The following CTRB1 variants were observed in gnomAD, a reference collection of about 807,000 sequenced individuals.
The protein encoded by CTRB1 is chymotrypsinogen B.
CTRB1 carries 15 observed loss-of-function variants against 20.4 expected under a neutral mutation model. That is an observed-to-expected ratio of 0.74 (90% CI 0.49 to 1.13). CTRB1 has a LOEUF of 1.13. CTRB1 is among the 50% of genes most tolerant of loss of function. The probability of loss-of-function intolerance (pLI) is 0.00; values close to 1 mark genes in which losing one functional copy is unlikely to be tolerated. For missense variants in CTRB1, 227 were observed against 290.1 expected (o/e 0.78, Z 1.58); for synonymous variants, 92 against 128.4 (o/e 0.72, Z 1.92).
intron 1 of CTRB1, among the ~76,000 whole-genome samples, chr16:75,219,966 C>G (rs537655493): frequency 2.6e-5 from 4 of 152,070 alleles, no homozygotes; most frequent in Non-Finnish European, 5.9e-5. Context: ...ATCAATGGAA[C>G]GGTATTCTAT....
At chr16:75,220,634 A>C (rs1310505095) in intron 1 of CTRB1, among the ~76,000 whole-genome samples, 1 of 152,160 alleles carries the variant, frequency 6.6e-6, no homozygotes, top group Admixed American at 6.5e-5. Flanking sequence ...TTCTACAACA[A>C]TGTGCTTTTT....
intron 1 of CTRB1, among the ~76,000 whole-genome samples, chr16:75,221,730 T>TGG (rs138173307): frequency 0.16 from 23,630 of 151,812 alleles, 2,211 homozygotes; most frequent in South Asian, 0.21. Context: ...CTCAGCATGT[T>TGG]GGGAGATCAA....
chr16:75,224,602 G>T (rs2076719530), intron 6 of CTRB1, 103 bp from the exon 7 acceptor site: 4 of 1,309,768 alleles, frequency 3.1e-6, no homozygotes, highest in Middle Eastern at 2.7e-4. Context: ...AGCCTTTGCT[G>T]TGTGTGGGGT....
intron 1 of CTRB1, among the ~76,000 whole-genome samples, chr16:75,219,980 GTTTTTGGT>G (rs892198317): frequency 5.9e-5 from 9 of 151,800 alleles, no homozygotes; most frequent in Non-Finnish European, 1.3e-4. Flanking sequence ...ATTCTATCCT[GTTTTTGGT>G]TTTGGTTTTG....
intron 1 of CTRB1, among the ~76,000 whole-genome samples, chr16:75,219,448 A>G (rs572676884): frequency 1.4e-4 from 21 of 151,386 alleles, no homozygotes; most frequent in Non-Finnish European, 3.1e-4. Flanking sequence ...CTGGAGTGCA[A>G]TGGTGCAATC....
At chr16:75,220,099 A>G (rs1475737694) in intron 1 of CTRB1, among the ~76,000 whole-genome samples, 3 of 151,754 alleles carry the variant, frequency 2.0e-5, no homozygotes, top group Non-Finnish European at 4.4e-5. Context: ...TCCTCCCACT[A>G]TAGCCTCCCG....
chr16:75,219,293 G>T (rs1464811818), intron 1 of CTRB1, among the ~76,000 whole-genome samples: 1 of 152,132 alleles, frequency 6.6e-6, no homozygotes. Context: ...TGGGGTGGGG[G>T]TGCCTTGTGC....
chr16:75,222,144 G>C (rs1417237857), intron 1 of CTRB1, among the ~76,000 whole-genome samples: 1 of 143,678 alleles, frequency 7.0e-6, no homozygotes, highest in African/African-American at 2.5e-5. Flanking sequence ...CAGGGTGACA[G>C]AGCAAGACCC....
rs940577068 is a variant in CTRB1 at position 75,224,047 on chromosome 16, T to C, written c.497-8T>C. The C allele has an allele frequency of 2.0e-6, 2 of 1,021,178 alleles. No individual in the cohort carries two copies. Among genetic ancestry groups the C allele is most frequent in the Non-Finnish European group, 1.4e-6 (1 of 712,552 alleles). The allele number at this position is 1,021,178 out of a possible 1,614,324, so 63.3% of individuals were successfully genotyped here. A position where few individuals can be genotyped will look rare whatever the true frequency, so the allele number is the denominator to read the frequency against. On this transcript the variant is annotated splice_polypyrimidine_tract_variant and splice_region_variant and intron_variant, in intron 5 of 6. Coordinates refer to ENST00000361017, the MANE Select transcript of CTRB1 (RefSeq NM_001906.6). ...CCCAGGGGCCCTGACCCTCCTCCTG[T>C]CCTGCAGCCAACAAGACCCCTGACA...
chr16:75,221,551 G>A (rs941213867), intron 1 of CTRB1, among the ~76,000 whole-genome samples: 6 of 151,904 alleles, frequency 3.9e-5, no homozygotes, highest in African/African-American at 1.4e-4. Flanking sequence ...GTAGAGATGG[G>A]GTTTTACTAT....
intron 1 of CTRB1, among the ~76,000 whole-genome samples, chr16:75,219,309 A>C (rs991261732): frequency 4.6e-5 from 7 of 151,934 alleles, no homozygotes; most frequent in Admixed American, 6.6e-5. Context: ...TGTGCAGGGT[A>C]AGGTGTGGCC....
At chr16:75,224,444 C>A (rs1371654380) in intron 6 of CTRB1, among the ~76,000 whole-genome samples, 1 of 152,210 alleles carries the variant, frequency 6.6e-6, no homozygotes, top group Non-Finnish European at 1.5e-5. Flanking sequence ...TTGGCCAGCC[C>A]CACCATGCTC....
intron 1 of CTRB1, among the ~76,000 whole-genome samples, chr16:75,221,327 A>T (rs1386582978): frequency 6.6e-6 from 1 of 152,034 alleles, no homozygotes; most frequent in Non-Finnish European, 1.5e-5. Flanking sequence ...CCAATGTGCC[A>T]TTTTATGGTG....
At position 75,219,017 on chromosome 16, in the gene CTRB1, C is replaced by T; in HGVS notation, c.10C>T (p.Leu4Phe). MAS[L>F]WLLSCFSLVG... is the part of the protein sequence containing the mutation. ...CTTCTGAGGCAGCGGCATGGCTTCC[C>T]TCTGGCTCCTCTCCTGCTTCTCCCT... Residue 4 changes from leucine to phenylalanine, a missense_variant, in exon 1 of 7, where the codon CTC (leucine) becomes TTC (phenylalanine). Leu to Phe is a conservative substitution (Grantham distance 22). This residue lies in a region of CTRB1 where 71 missense variants were observed against 69.1 expected (regional missense o/e 1.03). Coordinates refer to ENST00000361017, the MANE Select transcript of CTRB1 (RefSeq NM_001906.6). 2 of 1,589,698 alleles carry T rather than the reference C, an allele frequency of 1.3e-6. No homozygotes were observed. The highest frequency in any genetic ancestry group is 1.7e-6 in the Non-Finnish European group (2 of 1,169,648).
Position 75,222,860 on chromosome 16 carries a change from G to A in CTRB1, c.145G>A (p.Val49Met). 1.3e-6 allele frequency: 2 copies of A among 1,521,280 alleles called. No individual in the cohort carries two copies. Among genetic ancestry groups the A allele is most frequent in the Non-Finnish European group, 1.8e-6 (2 of 1,126,370 alleles). 94.2% of individuals were successfully genotyped at this position (1,521,280 alleles called of 1,614,324 possible). The change falls in exon 2 of 7, where the codon GTG becomes ATG. Residue 49 changes from valine to methionine, a missense_variant. By Grantham distance (21) the Val-to-Met change is conservative. This residue lies in a region of CTRB1 where 71 missense variants were observed against 69.1 expected (regional missense o/e 1.03). Transcript: ENST00000361017. ...DAVPGSWPWQ[V>M]SLQDKTGFHF... ...CGTCCCCGGCTCCTGGCCCTGGCAG[G>A]TGTCCCTGCAGGTGAGGGGGTTCTG... is the stretch of plus-strand genomic sequence containing the variant.
At chr16:75,220,080 C>A (rs1363530333) in intron 1 of CTRB1, among the ~76,000 whole-genome samples, 1 of 152,208 alleles carries the variant, frequency 6.6e-6, no homozygotes, top group Non-Finnish European at 1.5e-5. Flanking sequence ...AACTCAAGGG[C>A]TCGAGTGATC....
intron 1 of CTRB1, among the ~76,000 whole-genome samples, chr16:75,219,683 C>A (rs541855520): frequency 1.3e-5 from 2 of 152,054 alleles, no homozygotes; most frequent in Non-Finnish European, 2.9e-5. Context: ...TGTGCCCAGC[C>A]GTGTTTTCTA....
In CTRB1 at chr16:75,222,495, C is replaced by T. The variant is rs891719794; in HGVS notation, c.53-273C>T. The T allele has an allele frequency of 2.1e-4, 114 of 532,970 alleles. 5 individuals carry two copies. The South Asian group carries it at 2.6e-3, about 12-fold the overall frequency. The allele number at this position is 532,970 out of a possible 1,614,324, so 33.0% of individuals were successfully genotyped here. On this transcript the variant is annotated intron_variant, in intron 1 of 6. Coordinates refer to ENST00000361017, the MANE Select transcript of CTRB1 (RefSeq NM_001906.6). ...GCTGAGCCCAGGCAGTCTTACAGCC[C>T]GGCCTGTTTTCTGCTTCTTCAGGCT...
Position 75,219,409 on chromosome 16 carries a change from G to A in CTRB1, c.52+350G>A, listed in dbSNP as rs375234628. 2.8e-3 allele frequency among the ~76,000 whole-genome samples: 417 copies of A among 148,106 alleles called. 5 individuals are homozygous for A. Among genetic ancestry groups the A allele is most frequent in the African/African-American group, 9.9e-3 (398 of 40,260 alleles). ...TTCCTTTCTTTCTTTTTTTTTTTTC[G>A]AGACAGAATTTCACTCCTATTGCCG... is the stretch of plus-strand genomic sequence containing the variant. On this transcript the variant is annotated intron_variant, in intron 1 of 6. Coordinates refer to ENST00000361017, the MANE Select transcript of CTRB1 (RefSeq NM_001906.6).
Sources: gnomAD v4.1 joint callset for allele counts (sites outside exome capture counted in the v4.1 genomes callset) on GRCh38, gnomAD v4.1.1 for gene constraint, gnomAD v4.1.1 regional missense constraint, MANE v1.5 for transcripts, NCBI Gene and HGNC (gene_info 2026-07-23, HGNC 2026-07-21) for gene names.